Variants in ELL3 observed in about 807,000 individuals in gnomAD.
ELL3 encodes elongation factor for RNA polymerase II 3.
Under a neutral mutation model 58.5 loss-of-function variants are expected in ELL3, and 48 were observed. The observed-to-expected ratio is 0.82, with a 90% CI of 0.65 to 1.04. The LOEUF (loss-of-function observed/expected upper bound fraction) is 1.04. Among genes scored for constraint, ELL3 ranks in the 50% least tolerant of loss-of-function variants. The probability of loss-of-function intolerance (pLI) is 0.00; values close to 1 mark genes in which losing one functional copy is unlikely to be tolerated. For missense variants in ELL3, 458 were observed against 478.4 expected, an observed-to-expected ratio of 0.96 and a Z score of 0.40; for synonymous variants, 174 against 173.2, an observed-to-expected ratio of 1.00 and a Z score of -0.04.
intron 9 of ELL3, 100 bp from the exon 10 acceptor site, chr15:43,773,448 C>T: frequency 1.6e-6 from 2 of 1,273,530 alleles, no homozygotes; most frequent in Non-Finnish European, 1.1e-6. Context: ...CTTTGGGCGG[C>T]TGAGGCAGGC....
chr15:43,775,342 T>C lies in ELL3; in HGVS notation c.609A>G (p.Ala203=), dbSNP rs1360223425. The part of the protein sequence containing the change: ...THVPNREPVQ[A]LPSSASRKRL... The stretch of plus-strand genomic sequence containing the variant: ...GTTTCCGGCTGGCAGAGGAAGGCAG[T>C]GCCTGAACAGGTTCTCTGTTTGGAA... Residue 203 remains alanine (A), a synonymous_variant, in exon 6 of 11, where the codon GCA becomes GCG. Transcript: ENST00000319359. 1.4e-5 allele frequency: 23 copies of C among 1,613,700 alleles called. No individual in the cohort carries two copies. The highest frequency in any genetic ancestry group is 1.9e-5 in the Non-Finnish European group (23 of 1,179,622).
Position 43,775,824 on chromosome 15 carries a change from T to C in ELL3, c.381A>G (p.Gly127=). The change falls in exon 4 of 11, where the codon GGA becomes GGG. Residue 127 remains glycine, a synonymous_variant. Transcript: ENST00000319359. ...GTCTGGCATCTTCAGTCAGGTTGTG[T>C]CCCTGAACTGATGATGGGGCTGGGA... is the stretch of plus-strand genomic sequence containing the variant. The part of the protein sequence containing the change: ...DSIPAPSSVQ[G]HNLTEDARHP... 2.5e-6 allele frequency: 4 copies of C among 1,614,162 alleles called. No individual in the cohort carries two copies. Among genetic ancestry groups the C allele is most frequent in the East Asian group, 2.2e-5 (1 of 44,884 alleles).
chr15:43,775,653 T>C, intron 4 of ELL3, 43 bp from the exon 5 acceptor site: 1 of 1,613,612 alleles, frequency 6.2e-7, no homozygotes, highest in Non-Finnish European at 8.5e-7. Context: ...CCTGGAGTAC[T>C]GGGATACCTT....
In ELL3 at chr15:43,776,798, C is replaced by G. The variant is rs148271399; in HGVS notation, c.104G>C (p.Arg35Pro). ...LLLRLNDAAL[R>P]ALQECQRQQV... ...TTGCCGCTGACACTCTTGCAGCGCC[C>G]GCAGGGCAGCGTCGTTGAGCCTGAG... Residue 35 changes from arginine (R) to proline (P), a missense_variant, in exon 1 of 11, where the codon CGG (arginine) becomes CCG (proline). Arg to Pro is a moderately radical substitution (Grantham distance 103). Coordinates refer to ENST00000319359, the MANE Select transcript of ELL3 (RefSeq NM_025165.3). The G allele has an allele frequency of 1.5e-3, 2,480 of 1,609,836 alleles. 6 individuals are homozygous for G. Among genetic ancestry groups the G allele is most frequent in the Admixed American group, 3.4e-3 (206 of 59,730 alleles).
In ELL3 at chr15:43,772,685, C is replaced by T. The variant is rs986352482; in HGVS notation, c.*431G>A. On this transcript the variant is annotated 3_prime_UTR_variant, in exon 11 of 11. Coordinates refer to ENST00000319359, the MANE Select transcript of ELL3 (RefSeq NM_025165.3). ...TACATGGGTAACACCCAGGCCCTTTCCCATTATATCCAGGTATGCTACAAG... is the reference window on the plus strand; with the variant it reads ...TACATGGGTAACACCCAGGCCCTTTTCCATTATATCCAGGTATGCTACAAG... 6.5e-6 allele frequency: 1 copy of T among 153,796 alleles called. No homozygotes were observed. The highest frequency in any genetic ancestry group is 2.4e-5 in the African/African-American group (1 of 41,526). The allele number at this position is 153,796 out of a possible 1,614,324, so 9.5% of individuals were successfully genotyped here.
intron 1 of ELL3, 84 bp downstream of exon 1, chr15:43,776,686 C>T: frequency 1.3e-6 from 2 of 1,550,676 alleles, no homozygotes; most frequent in Middle Eastern, 1.8e-4. Context: ...GCCGCTCCCT[C>T]TCCCCTGCAC....
At chr15:43,773,374 G>C (rs1194404472) in intron 9 of ELL3, 26 bp from the exon 10 acceptor site, 1 of 1,613,484 alleles carries the variant, frequency 6.2e-7, no homozygotes, top group African/African-American at 1.3e-5. Flanking sequence ...CTAGCACTGA[G>C]TTCAACATTA....
rs753580518 is a variant in ELL3 at position 43,775,291 on chromosome 15, GCCATTCTAA to G, written c.645+6_645+14del. On this transcript the variant is annotated splice_donor_region_variant and intron_variant, in intron 6 of 10. Transcript: ENST00000319359. ...TTAATGTTACAAAAAAAAAGCCCTT[GCCATTCTAA>G]CTTACCTTGTCCAGACGTTTCCGGC... 3.8e-6 allele frequency: 6 copies of G among 1,578,484 alleles called. No individual in the cohort carries two copies. Among genetic ancestry groups the G allele is most frequent in the Non-Finnish European group, 4.3e-6 (5 of 1,163,648 alleles).
chr15:43,775,106 A>G (rs2086904392), intron 6 of ELL3, among the ~76,000 whole-genome samples, 200 bp downstream of exon 6: 3 of 147,234 alleles, frequency 2.0e-5, no homozygotes, highest in Admixed American at 2.0e-4. Context: ...TGAGAATAAG[A>G]AAAAAAAAAA....
Position 43,776,789 on chromosome 15 carries a change from T to C in ELL3, c.113A>G (p.Gln38Arg), listed in dbSNP as rs1490502547. ...RLNDAALRALQECQRQQVRPV... is the reference protein window; with the variant it reads ...RLNDAALRALRECQRQQVRPV... Reference sequence around the variant, plus strand: ...CCGTACCTGTTGCCGCTGACACTCTTGCAGCGCCCGCAGGGCAGCGTCGTT... The same window carrying C: ...CCGTACCTGTTGCCGCTGACACTCTCGCAGCGCCCGCAGGGCAGCGTCGTT... Residue 38 changes from glutamine to arginine, a missense_variant, in exon 1 of 11, where the codon CAA becomes CGA. Coordinates refer to ENST00000319359, the MANE Select transcript of ELL3 (RefSeq NM_025165.3). 1 of 1,609,118 alleles carries C rather than the reference T, an allele frequency of 6.2e-7. No homozygotes were observed. Among genetic ancestry groups the C allele is most frequent in the Non-Finnish European group, 8.5e-7 (1 of 1,176,912 alleles).
intron 9 of ELL3, among the ~76,000 whole-genome samples, chr15:43,773,555 G>T (rs2086894038): frequency 6.6e-6 from 1 of 151,842 alleles, no homozygotes; most frequent in Admixed American, 6.6e-5. Context: ...CGTGGTGGCA[G>T]GCGCTTGTAG....
intron 6 of ELL3, 114 bp from the exon 7 acceptor site, chr15:43,774,887 G>T: frequency 1.7e-6 from 2 of 1,170,964 alleles, no homozygotes; most frequent in Non-Finnish European, 2.3e-6. Context: ...AATCCTGACC[G>T]TTTCAGAGGC....
At chr15:43,774,072 A>G (rs953806033) in intron 9 of ELL3, 110 bp downstream of exon 9, 31 of 1,387,486 alleles carry the variant, frequency 2.2e-5, no homozygotes, top group Non-Finnish European at 2.8e-5. Flanking sequence ...CCCTTCAAAC[A>G]GGTTTCCTTG....
chr15:43,776,092 AC>A lies in ELL3; in HGVS notation c.227del (p.Cys76PhefsTer55), dbSNP rs1347445158. The A allele has an allele frequency of 1.9e-5, 30 of 1,613,980 alleles. No homozygotes were observed. The highest frequency in any genetic ancestry group is 2.3e-5 in the Non-Finnish European group (27 of 1,180,026). On this transcript the variant is annotated frameshift_variant, in exon 3 of 11. Transcript: ENST00000319359. LOFTEE classifies it high-confidence loss of function. Reference protein sequence around the residue: ...SCLFSFIVSQCCQEGAGGSLD... With the variant: ...SCLFSFIVSQXCQEGAGGSLD... ...AGCTACCACCAGCGCCCTCCTGACA[AC>A]ACTGGGACACTATGAAGGAGAAGAG...
Position 43,774,174 on chromosome 15 carries a change from G to T in ELL3, c.1038+8C>A. ...GAGCTGGAAAGCCAGGCTGGGTCCT[G>T]TCCTTACCTTGTATTCTGGAGTTCC... is the stretch of plus-strand genomic sequence containing the variant. On this transcript the variant is annotated splice_region_variant and intron_variant, in intron 9 of 10. Transcript: ENST00000319359. 6.2e-7 allele frequency: 1 copy of T among 1,613,994 alleles called. No homozygotes were observed. Among genetic ancestry groups the T allele is most frequent in the South Asian group, 1.1e-5 (1 of 91,050 alleles).
intron 1 of ELL3, 30 bp downstream of exon 1, chr15:43,776,740 G>A: frequency 6.3e-7 from 1 of 1,589,664 alleles, no homozygotes; most frequent in Admixed American, 1.7e-5. Flanking sequence ...CCTAGGGGCA[G>A]TGACTAGAGA....
intron 8 of ELL3, 41 bp from the exon 9 acceptor site, chr15:43,774,394 C>A (rs375717677): frequency 6.2e-7 from 1 of 1,613,554 alleles, no homozygotes; most frequent in Non-Finnish European, 8.5e-7. Context: ...TTTCATTGCC[C>A]CTGAAAAGCC....
At position 43,776,831 on chromosome 15, in the gene ELL3, A is replaced by C; in HGVS notation, c.71T>G (p.Leu24Arg). The change falls in exon 1 of 11, where the codon CTC (leucine) becomes CGC (arginine). Residue 24 changes from leucine to arginine, a missense_variant. Physicochemically the swap from Leu to Arg is moderately radical, Grantham distance 102. Transcript: ENST00000319359. ...AGCGTCGTTGAGCCTGAGCAGTAAG[A>C]GGCTAGTCCGGGCAGCTTGCGTGAA... is the stretch of plus-strand genomic sequence containing the variant. ...LCFTQAARTSLLLLRLNDAAL... is the reference protein window; with the variant it reads ...LCFTQAARTSRLLLRLNDAAL... 6.2e-7 allele frequency: 1 copy of C among 1,612,260 alleles called. No individual in the cohort carries two copies. Among genetic ancestry groups the C allele is most frequent in the Non-Finnish European group, 8.5e-7 (1 of 1,179,516 alleles).
rs1333654362 is a variant in ELL3, at chr15:43,774,475, C to G, written c.866+1G>C. 5 of 1,614,140 alleles carry G rather than the reference C, an allele frequency of 3.1e-6. No individual in the cohort carries two copies. The highest frequency in any genetic ancestry group is 1.7e-5 in the Admixed American group (1 of 60,002). On this transcript the variant is annotated splice_donor_variant, in intron 8 of 10. Transcript: ENST00000319359. LOFTEE classifies it high-confidence loss of function. ...GAAATTGGAAAAAGCAAGGAACTCA[C>G]AGGAGGTAGTCTGGTATATCTTCAG...
Sources: gnomAD v4.1 joint callset for allele counts (sites outside exome capture counted in the v4.1 genomes callset) on GRCh38, gnomAD v4.1.1 for gene constraint, MANE v1.5 for transcripts, NCBI Gene and HGNC (gene_info 2026-07-23, HGNC 2026-07-21) for gene names.